FSIP1: variants seen among roughly 807,000 people sequenced by gnomAD.
FSIP1 encodes the protein fibrous sheath interacting protein 1.
A neutral mutation model predicts 60.9 loss-of-function variants in FSIP1; 65 were observed. That is an observed-to-expected ratio of 1.07 (90% CI 0.87 to 1.31). The LOEUF (loss-of-function observed/expected upper bound fraction) is 1.31. Ranked by LOEUF, FSIP1 falls within the 40% of genes most tolerant of loss-of-function variation. The pLI is 0.00. For missense variants in FSIP1, 675 were observed against 665.5 expected, an observed-to-expected ratio of 1.01 and a Z score of -0.16; for synonymous variants, 209 against 221.2, an observed-to-expected ratio of 0.94 and a Z score of 0.49.
chr15:39,600,266 A>G lies in FSIP1; in HGVS notation c.*614T>C, dbSNP rs2140356561. The G allele has an allele frequency of 6.6e-6, 1 of 152,362 alleles. No individual in the cohort carries two copies. The highest frequency in any genetic ancestry group is 2.4e-5 in the African/African-American group (1 of 41,582). 9.4% of individuals were successfully genotyped at this position (152,362 alleles called of 1,614,324 possible). ...TATTTGATGCAATCTAAAAGGCCCA[A>G]ACTCTGAAAGAAAATAAGAAACTAT... On this transcript the variant is annotated 3_prime_UTR_variant, in exon 12 of 12. Transcript: ENST00000350221.
At position 39,617,872 on chromosome 15, in the gene FSIP1, T is replaced by C; in HGVS notation, c.1562A>G (p.Tyr521Cys). Reference sequence around the variant, plus strand: ...AATGCCAAGAGTCTTCGACATAAAATAGTCTTTTGTGTCACTAATAATAAC... The same window carrying C: ...AATGCCAAGAGTCTTCGACATAAAACAGTCTTTTGTGTCACTAATAATAAC... Reference protein sequence around the residue: ...KDVIISDTKDYFMSKTLGIGR... With the variant: ...KDVIISDTKDCFMSKTLGIGR... The change falls in exon 11 of 12, where the codon TAT becomes TGT. Residue 521 changes from tyrosine (Y) to cysteine (C), a missense_variant. Tyr to Cys is a radical substitution (Grantham distance 194, BLOSUM62 -2). Coordinates refer to ENST00000350221, the MANE Select transcript of FSIP1 (RefSeq NM_152597.5). 2 of 1,614,138 alleles carry C rather than the reference T, an allele frequency of 1.2e-6. No homozygotes were observed. Among genetic ancestry groups the C allele is most frequent in the Non-Finnish European group, 1.7e-6 (2 of 1,180,014 alleles).
intron 10 of FSIP1, among the ~76,000 whole-genome samples, chr15:39,700,917 C>T (rs1012317690): frequency 1.3e-5 from 2 of 152,046 alleles, no homozygotes; most frequent in East Asian, 1.9e-4. Flanking sequence ...TTGGGGAGGC[C>T]GAGACAGGCA....
intron 11 of FSIP1, among the ~76,000 whole-genome samples, chr15:39,603,256 C>G (rs1208358666): frequency 6.6e-6 from 1 of 152,130 alleles, no homozygotes; most frequent in Non-Finnish European, 1.5e-5. Flanking sequence ...TAGCATGGAG[C>G]CTTGGGGTTT....
intron 11 of FSIP1, among the ~76,000 whole-genome samples, chr15:39,614,191 C>CA (rs144579842): frequency 7.0e-6 from 1 of 143,842 alleles, no homozygotes; most frequent in East Asian, 2.0e-4. Context: ...AAGACTCCAC[C>CA]AAAAAACTGT....
intron 2 of FSIP1, among the ~76,000 whole-genome samples, chr15:39,771,977 G>A (rs1897903337): frequency 6.6e-6 from 1 of 152,128 alleles, no homozygotes; most frequent in Non-Finnish European, 1.5e-5. Flanking sequence ...GGTTTCACAT[G>A]GGGGAATAAA....
intron 10 of FSIP1, among the ~76,000 whole-genome samples, chr15:39,703,754 T>TAATA (rs764152462): frequency 5.3e-5 from 8 of 152,060 alleles, no homozygotes; most frequent in Non-Finnish European, 1.2e-4. Flanking sequence ...TTTTAAAAAA[T>TAATA]AATAAATAAA....
intron 10 of FSIP1, among the ~76,000 whole-genome samples, chr15:39,657,007 T>C (rs1360944543): frequency 6.6e-6 from 1 of 152,186 alleles, no homozygotes; most frequent in Non-Finnish European, 1.5e-5. Context: ...CAAACTTCAT[T>C]GATAATGCTT....
intron 10 of FSIP1, among the ~76,000 whole-genome samples, chr15:39,666,298 C>T (rs73393277): frequency 0.021 from 3,142 of 152,118 alleles, 113 homozygotes; most frequent in African/African-American, 0.071. Flanking sequence ...TCTATAAGTC[C>T]GCAATTTACA....
At chr15:39,684,464 A>G (rs1282848928) in intron 10 of FSIP1, among the ~76,000 whole-genome samples, 2 of 152,196 alleles carry the variant, frequency 1.3e-5, no homozygotes, top group Non-Finnish European at 2.9e-5. Context: ...CAATGAATAA[A>G]AAGTGAATGA....
In FSIP1 at chr15:39,770,464, C is replaced by T. The variant is rs1198118147; in HGVS notation, c.273G>A (p.Leu91=). The change falls in exon 3 of 12, where the codon CTG becomes CTA. Residue 91 remains leucine, a synonymous_variant. Coordinates refer to ENST00000350221, the MANE Select transcript of FSIP1 (RefSeq NM_152597.5). ...KLAEEGSDED[L]DLVQHQIISE... ...AGATTATCTGATGTTGAACCAAATCCAGATCTTCATCTGATCCCTCTTCAG... is the reference window on the plus strand; with the variant it reads ...AGATTATCTGATGTTGAACCAAATCTAGATCTTCATCTGATCCCTCTTCAG... 6.2e-7 allele frequency: 1 copy of T among 1,607,682 alleles called. No individual in the cohort carries two copies. Among genetic ancestry groups the T allele is most frequent in the African/African-American group, 1.3e-5 (1 of 74,604 alleles).
At chr15:39,761,321 A>G (rs1015111683) in intron 5 of FSIP1, among the ~76,000 whole-genome samples, 2 of 152,238 alleles carry the variant, frequency 1.3e-5, no homozygotes, top group African/African-American at 4.8e-5. Context: ...GGAATAACCT[A>G]AGTATCCACC....
At chr15:39,778,300 T>C (rs1426063833) in intron 1 of FSIP1, among the ~76,000 whole-genome samples, 2 of 152,190 alleles carry the variant, frequency 1.3e-5, no homozygotes, top group Non-Finnish European at 2.9e-5. Context: ...AACCGCATAA[T>C]ACATGTCAAT....
In FSIP1 at chr15:39,717,541, CAGA is replaced by C. The variant is rs746333338; in HGVS notation, c.1051-3963_1051-3961del. ...AGGACACACTTAGAGCCACTCTACT[CAGA>C]AGGTTATAAGACAGGAAACACAGCA... On this transcript the variant is annotated intron_variant, in intron 9 of 11. Transcript: ENST00000350221. Among the ~76,000 whole-genome samples, 151 of 152,210 alleles carry C rather than the reference CAGA, an allele frequency of 9.9e-4. 1 individual carries two copies. Among genetic ancestry groups the C allele is most frequent in the Non-Finnish European group, 1.2e-3 (80 of 68,036 alleles).
At chr15:39,674,106 G>C (rs903913184) in intron 10 of FSIP1, among the ~76,000 whole-genome samples, 2 of 151,260 alleles carry the variant, frequency 1.3e-5, no homozygotes, top group Admixed American at 1.3e-4. Flanking sequence ...CCAGGCTGGA[G>C]TGCAGTGGCG....
intron 10 of FSIP1, among the ~76,000 whole-genome samples, chr15:39,620,147 G>T (rs997819843): frequency 7.9e-5 from 12 of 152,150 alleles, no homozygotes; most frequent in African/African-American, 2.9e-4. Context: ...TAATTATGAA[G>T]TCTAGGACAA....
intron 10 of FSIP1, among the ~76,000 whole-genome samples, chr15:39,692,035 A>G (rs1894622815): frequency 6.7e-6 from 1 of 149,236 alleles, no homozygotes; most frequent in African/African-American, 2.4e-5. Flanking sequence ...AAGTGCTGCA[A>G]AAGGATTATT....
At chr15:39,717,713 C>T (rs1008636069) in intron 9 of FSIP1, among the ~76,000 whole-genome samples, 5 of 152,116 alleles carry the variant, frequency 3.3e-5, no homozygotes, top group Non-Finnish European at 2.9e-5. Flanking sequence ...TTGAAATGGC[C>T]CCATAGGCAC....
chr15:39,658,484 C>T (rs975718430), intron 10 of FSIP1, among the ~76,000 whole-genome samples: 10 of 151,898 alleles, frequency 6.6e-5, no homozygotes, highest in South Asian at 4.2e-4. Context: ...TCCTGATCTC[C>T]GGTGATCCGC....
At chr15:39,746,303 CAG>C (rs1896991426) in intron 5 of FSIP1, among the ~76,000 whole-genome samples, 2 of 152,034 alleles carry the variant, frequency 1.3e-5, no homozygotes, top group Non-Finnish European at 2.9e-5. Context: ...CCCCTTGACT[CAG>C]AGATAAAAGG....
Sources: allele counts gnomAD v4.1 joint callset (sites outside exome capture counted in the v4.1 genomes callset), GRCh38; gene constraint gnomAD v4.1.1; transcripts MANE v1.5; gene names NCBI Gene and HGNC (gene_info 2026-07-23, HGNC 2026-07-21).